Variants in ALDH3A2 observed in about 807,000 individuals in gnomAD.
ALDH3A2 encodes aldehyde dehydrogenase family 3 member A2.
A neutral mutation model predicts 51.3 loss-of-function variants in ALDH3A2; 36 were observed. That is an observed-to-expected ratio of 0.70 (90% CI 0.54 to 0.93). The LOEUF (loss-of-function observed/expected upper bound fraction) is 0.93. ALDH3A2 is among the 40% of genes least tolerant of loss of function. ALDH3A2 has a pLI of 0.00. For synonymous variants in ALDH3A2, 199 were observed against 219.8 expected, an observed-to-expected ratio of 0.91 and a Z score of 0.84; for missense variants, 552 against 603.1, an observed-to-expected ratio of 0.92 and a Z score of 0.89.
chr17:19,655,221 A>C (rs2152327804), intron 3 of ALDH3A2: 1 of 152,268 alleles, frequency 6.6e-6, no homozygotes, highest in South Asian at 2.1e-4. Flanking sequence ...CTGTACATCA[A>C]CTTGTGATGG....
At chr17:19,661,364 CA>C in intron 6 of ALDH3A2, 96 bp downstream of exon 6, 1 of 1,382,822 alleles carries the variant, frequency 7.2e-7, no homozygotes, top group Non-Finnish European at 1.0e-6. Context: ...AAATATATAG[CA>C]TTTAATTGTT....
At chr17:19,668,957 C>T (rs2085075112) in intron 8 of ALDH3A2, among the ~76,000 whole-genome samples, 1 of 143,186 alleles carries the variant, frequency 7.0e-6, no homozygotes, top group Non-Finnish European at 1.5e-5. Context: ...CTCCCTCCCT[C>T]CTTTTCTTCT....
chr17:19,671,653 C>T lies in ALDH3A2; in HGVS notation c.1208-68C>T, dbSNP rs1026070470. Reference sequence around the variant, plus strand: ...GGGAGTGCATGTGAGCTTTCCCGGTCGTTGTTAGACAGAAGTAGCTTGCAT... The same window carrying T: ...GGGAGTGCATGTGAGCTTTCCCGGTTGTTGTTAGACAGAAGTAGCTTGCAT... On this transcript the variant is annotated intron_variant, in intron 8 of 9. Transcript: ENST00000176643. The T allele has an allele frequency of 2.2e-6, 3 of 1,377,018 alleles. No individual in the cohort carries two copies. In the Admixed American group the frequency reaches 5.0e-5, roughly 23 times the overall value. The allele number at this position is 1,377,018 out of a possible 1,614,324, so 85.3% of individuals were successfully genotyped here.
intron 9 of ALDH3A2, 158 bp from the exon 10 acceptor site, chr17:19,675,400 G>T (rs1024452450): frequency 2.6e-6 from 2 of 765,930 alleles, no homozygotes; most frequent in African/African-American, 1.7e-5. Flanking sequence ...TGCTTCCTAG[G>T]CTTCCTAGGG....
chr17:19,670,563 CTTTTTTT>C (rs112210347), intron 8 of ALDH3A2, among the ~76,000 whole-genome samples: 1 of 137,626 alleles, frequency 7.3e-6, no homozygotes, highest in Non-Finnish European at 1.6e-5. Flanking sequence ...CTCCCTTATT[CTTTTTTT>C]TTTTTTTTTT....
upstream of ALDH3A2, chr17:19,648,601 G>A (rs544397573): frequency 1.5e-3 from 369 of 245,292 alleles, 7 homozygotes; most frequent in South Asian, 0.02. Context: ...CCGTGGCCGC[G>A]CTCGGCTCCC....
intron 6 of ALDH3A2, 157 bp downstream of exon 6, chr17:19,661,425 T>A: frequency 1.2e-6 from 1 of 828,906 alleles, no homozygotes; most frequent in South Asian, 1.7e-5. Context: ...GCTTTTGTTA[T>A]AAACTATTTA....
chr17:19,654,238 C>T lies in ALDH3A2; in HGVS notation c.471+1606C>T, dbSNP rs2084861862. On this transcript the variant is annotated intron_variant, in intron 3 of 9. Transcript: ENST00000176643. This position sits in a 1 kb window ranked among gnomAD's most constrained non-coding sequence, Gnocchi z 4.5. ...TAAGTCCCCACCCGACTCAGGAGCC[C>T]AGCTGGCTTTGCCTAGTGGATCCCA... Among the ~76,000 whole-genome samples, 1 of 152,270 alleles carries T rather than the reference C, an allele frequency of 6.6e-6. No homozygotes were observed. Among genetic ancestry groups the T allele is most frequent in the Admixed American group, 6.5e-5 (1 of 15,294 alleles).
chr17:19,649,642 GTTTTGT>G, intron 1 of ALDH3A2: 1 of 152,832 alleles, frequency 6.5e-6, no homozygotes, highest in South Asian at 2.1e-4. Flanking sequence ...GTTAGACAGA[GTTTTGT>G]TTTTAAGTTA....
intron 8 of ALDH3A2, 57 bp downstream of exon 8, chr17:19,665,104 G>C: frequency 6.9e-7 from 1 of 1,450,986 alleles, no homozygotes; most frequent in Non-Finnish European, 9.7e-7. Context: ...ACCATTTCAT[G>C]AGTGGATTGT....
chr17:19,652,737 G>T (rs1450357362), intron 3 of ALDH3A2, 105 bp downstream of exon 3: 2 of 955,328 alleles, frequency 2.1e-6, no homozygotes, highest in Non-Finnish European at 3.4e-6. Flanking sequence ...CCCAATTGCA[G>T]TCTCTTTAAG....
In ALDH3A2 at chr17:19,664,336, C is replaced by T. The variant is rs193092152; in HGVS notation, c.1108-612C>T. ...GAGCACTTCCCAGCAGTGGGTCACC[C>T]GAGGTCACTATAGTCCAGACTTGAC... On this transcript the variant is annotated intron_variant, in intron 7 of 9. Transcript: ENST00000176643. 3.0e-3 allele frequency among the ~76,000 whole-genome samples: 455 copies of T among 152,262 alleles called. 1 individual carries two copies. Among genetic ancestry groups the T allele is most frequent in the Non-Finnish European group, 4.2e-3 (288 of 68,020 alleles).
chr17:19,668,868 G>A (rs1212517351), intron 8 of ALDH3A2, among the ~76,000 whole-genome samples: 1 of 132,280 alleles, frequency 7.6e-6, no homozygotes, highest in Admixed American at 8.2e-5. Context: ...CTCCAGCTTG[G>A]GCAACAGAGC....
At chr17:19,663,973 G>A (rs757250119) in intron 7 of ALDH3A2, among the ~76,000 whole-genome samples, 12 of 152,146 alleles carry the variant, frequency 7.9e-5, no homozygotes, top group Admixed American at 2.0e-4. Flanking sequence ...TTAGAGTGGT[G>A]GAACTGCATC....
At chr17:19,673,065 A>T in intron 9 of ALDH3A2, 1 of 1,569,286 alleles carries the variant, frequency 6.4e-7, no homozygotes, top group Non-Finnish European at 8.8e-7. Flanking sequence ...CAAAAATTTG[A>T]AAGGGGTTTG....
chr17:19,663,059 A>G (rs1032527770), intron 6 of ALDH3A2, among the ~76,000 whole-genome samples: 3 of 152,230 alleles, frequency 2.0e-5, no homozygotes, highest in Non-Finnish European at 4.4e-5. Flanking sequence ...AGTTAAATAC[A>G]TGCATGGCTG....
chr17:19,673,077 C>T (rs866221314), intron 9 of ALDH3A2: 1 of 1,598,506 alleles, frequency 6.3e-7, no homozygotes, highest in Non-Finnish European at 8.6e-7. Context: ...AGGGGTTTGG[C>T]TCATCTTACA....
In ALDH3A2 at chr17:19,675,581, C is replaced by G. The variant is rs1167939025; in HGVS notation, c.*9C>G. 1 of 1,612,018 alleles carries G rather than the reference C, an allele frequency of 6.2e-7. No homozygotes were observed. Among genetic ancestry groups the G allele is most frequent in the Non-Finnish European group, 8.5e-7 (1 of 1,178,110 alleles). On this transcript the variant is annotated 3_prime_UTR_variant, in exon 10 of 10. Transcript: ENST00000176643. ...AGGCAGAATATTACTGAAGAATGAT[C>G]CTGTTCAACCTCCTAGTGCCTCTAC...
chr17:19,654,863 C>G lies in ALDH3A2; in HGVS notation c.472-1503C>G, dbSNP rs560150796. Among the ~76,000 whole-genome samples the G allele has an allele frequency of 6.6e-5, 10 of 152,278 alleles. No individual in the cohort carries two copies. The highest frequency in any genetic ancestry group is 2.6e-4 in the Admixed American group (4 of 15,308). ...CGAGCAAGGGTTGCCCGCACGCTCT[C>G]ACCTCTCACCCAGCCTATAAGAGTA... On this transcript the variant is annotated intron_variant, in intron 3 of 9. Transcript: ENST00000176643. The surrounding 1 kb of genome is among the most constrained non-coding windows in gnomAD (Gnocchi z 4.5).
Sources: allele counts gnomAD v4.1 joint callset (sites outside exome capture counted in the v4.1 genomes callset), GRCh38; gene constraint gnomAD v4.1.1; non-coding constraint Gnocchi (gnomAD v3.1); transcripts MANE v1.5; gene names NCBI Gene and HGNC (gene_info 2026-07-23, HGNC 2026-07-21).